Variants in FBN2 observed in about 807,000 individuals in gnomAD.
The protein encoded by FBN2 is fibrillin-2.
Under a neutral mutation model 355.6 loss-of-function variants are expected in FBN2, and 105 were observed. The observed-to-expected ratio is 0.30, with a 90% CI of 0.25 to 0.35. FBN2 has a LOEUF of 0.35. Among genes scored for constraint, FBN2 ranks in the 10% least tolerant of loss-of-function variants. The pLI is 1.00. For synonymous variants in FBN2, 1,350 were observed against 1,301.2 expected (o/e 1.04, Z -0.81); for missense variants, 3,280 against 3,758.7 (o/e 0.87, Z 3.33).
chr5:128,496,538 T>G (rs1450029631), intron 5 of FBN2, among the ~76,000 whole-genome samples: 1 of 152,200 alleles, frequency 6.6e-6, no homozygotes, highest in Non-Finnish European at 1.5e-5. Flanking sequence ...AAAAAACTCA[T>G]AGATAATATC....
chr5:128,514,297 T>C (rs948152891), intron 5 of FBN2, among the ~76,000 whole-genome samples: 1 of 152,240 alleles, frequency 6.6e-6, no homozygotes, highest in African/African-American at 2.4e-5. Context: ...TAGTAAGCTA[T>C]GTTTTTTCAT....
intron 5 of FBN2, among the ~76,000 whole-genome samples, chr5:128,502,746 T>C (rs1430430752): frequency 5.9e-5 from 9 of 152,224 alleles, no homozygotes; most frequent in Non-Finnish European, 1.0e-4. Context: ...AAGTGGTTTA[T>C]ATAATGTTGA....
Position 128,259,589 on chromosome 5 carries a change from T to C in FBN2, c.8605A>G (p.Thr2869Ala), listed in dbSNP as rs1298099024. Reference sequence around the variant, plus strand: ...AGAGGGATGCTAGTGATTTCCAGTGTGTATGTGCCGGGCATGAGCTTCTTC... The same window carrying C: ...AGAGGGATGCTAGTGATTTCCAGTGCGTATGTGCCGGGCATGAGCTTCTTC... ...AKKKLMPGTY[T>A]LEITSIPLYK... The change falls in exon 65 of 65, where the codon ACA (threonine) becomes GCA (alanine). Residue 2869 changes from threonine (T) to alanine (A), a missense_variant. Around this residue, in one of 6 missense-constraint regions of FBN2, gnomAD observed 311 missense variants for 319.1 expected, o/e 0.97. Transcript: ENST00000262464. 3 of 1,614,046 alleles carry C rather than the reference T, an allele frequency of 1.9e-6. No homozygotes were observed. The highest frequency in any genetic ancestry group is 2.2e-5 in the South Asian group (2 of 91,070).
In FBN2 at chr5:128,537,546, C is replaced by T. The variant is rs756126862; in HGVS notation, c.58G>A (p.Val20Met). Residue 20 changes from valine to methionine, a missense_variant, in exon 1 of 65, where the codon GTG becomes ATG. Physicochemically the swap from Val to Met is conservative, Grantham distance 21. Around this residue, in one of 6 missense-constraint regions of FBN2, gnomAD observed 203 missense variants for 142.2 expected, o/e 1.43. Coordinates refer to ENST00000262464, the MANE Select transcript of FBN2 (RefSeq NM_001999.4). Reference protein sequence around the residue: ...QLYFLWLGCVVLWAQGTAGQP... With the variant: ...QLYFLWLGCVMLWAQGTAGQP... ...CCGGCCGTGCCCTGCGCCCAGAGCA[C>T]CACACAGCCCAGCCACAGGAAGTAG... The T allele has an allele frequency of 5.6e-6, 9 of 1,598,574 alleles. No individual in the cohort carries two copies. In the South Asian group the frequency reaches 9.0e-5, roughly 16 times the overall value.
intron 5 of FBN2, among the ~76,000 whole-genome samples, chr5:128,518,299 T>TA (rs1424830878): frequency 6.6e-6 from 1 of 152,170 alleles, no homozygotes; most frequent in East Asian, 1.9e-4. Context: ...CAGCAGTCTA[T>TA]ATAGGTCATG....
intron 5 of FBN2, among the ~76,000 whole-genome samples, chr5:128,509,439 A>G (rs2127150129): frequency 6.6e-6 from 1 of 152,288 alleles, no homozygotes; most frequent in Non-Finnish European, 1.5e-5. Context: ...TTTGGATTCC[A>G]CATCTCTACT....
At chr5:128,509,014 A>G (rs191888878) in intron 5 of FBN2, among the ~76,000 whole-genome samples, 22 of 152,128 alleles carry the variant, frequency 1.4e-4, no homozygotes, top group African/African-American at 5.3e-4. Context: ...TTCTCTGGCT[A>G]CTTTAAGATT....
rs77681943 is a variant in FBN2 at position 128,405,616 on chromosome 5, C to T, written c.1078+3058G>A. ...AAATATGAATGCAAGTTTTGTTTGACTAGAGAAAGATTTTGAAATGTAAGT... is the reference window on the plus strand; with the variant it reads ...AAATATGAATGCAAGTTTTGTTTGATTAGAGAAAGATTTTGAAATGTAAGT... On this transcript the variant is annotated intron_variant, in intron 8 of 64. Coordinates refer to ENST00000262464, the MANE Select transcript of FBN2 (RefSeq NM_001999.4). 2.5e-3 allele frequency among the ~76,000 whole-genome samples: 373 copies of T among 152,184 alleles called. 3 individuals are homozygous for T. Among genetic ancestry groups the T allele is most frequent in the African/African-American group, 8.6e-3 (358 of 41,514 alleles).
chr5:128,296,635 G>A (rs1282642711), intron 48 of FBN2, among the ~76,000 whole-genome samples: 1 of 152,078 alleles, frequency 6.6e-6, no homozygotes, highest in Non-Finnish European at 1.5e-5. Context: ...AGAGGTGTTT[G>A]TAGTATTCTC....
intron 55 of FBN2, 146 bp downstream of exon 55, chr5:128,286,572 T>G: frequency 3.3e-6 from 3 of 919,822 alleles, no homozygotes; most frequent in South Asian, 1.4e-5. Context: ...GCAGAGACCC[T>G]GAGATGGAAG....
At chr5:128,414,407 T>C (rs1475733605) in intron 7 of FBN2, among the ~76,000 whole-genome samples, 1 of 152,214 alleles carries the variant, frequency 6.6e-6, no homozygotes. Flanking sequence ...CTGGCTTCTT[T>C]CACTTAGTTT....
rs528906046 is a variant in FBN2 at position 128,533,580 on chromosome 5, T to C, written c.337+2822A>G. On this transcript the variant is annotated intron_variant, in intron 2 of 64. Transcript: ENST00000262464. Reference sequence around the variant, plus strand: ...GTCACATGGCCAGGTAAAGAATACATAGTACCCAAAAGGTCTGAAGTTTAG... The same window carrying C: ...GTCACATGGCCAGGTAAAGAATACACAGTACCCAAAAGGTCTGAAGTTTAG... 2.6e-5 allele frequency among the ~76,000 whole-genome samples: 4 copies of C among 152,260 alleles called. No homozygotes were observed. The South Asian group carries it at 8.3e-4, about 32-fold the overall frequency.
intron 6 of FBN2, among the ~76,000 whole-genome samples, chr5:128,449,305 A>G (rs1329117255): frequency 6.8e-6 from 1 of 147,874 alleles, no homozygotes; most frequent in Non-Finnish European, 1.5e-5. Flanking sequence ...ATATAATAGT[A>G]TAATTATACA....
chr5:128,272,498 C>T (rs1264142547), intron 61 of FBN2, among the ~76,000 whole-genome samples: 2 of 128,854 alleles, frequency 1.6e-5, no homozygotes, highest in Non-Finnish European at 3.2e-5. Flanking sequence ...AATATATTTG[C>T]ATTGCATAGT....
intron 5 of FBN2, among the ~76,000 whole-genome samples, chr5:128,490,485 A>C (rs1401747752): frequency 6.6e-6 from 1 of 152,230 alleles, no homozygotes; most frequent in Non-Finnish European, 1.5e-5. Flanking sequence ...GTAAAACAAG[A>C]GTTTACACCT....
intron 5 of FBN2, among the ~76,000 whole-genome samples, chr5:128,504,252 G>C (rs776367685): frequency 6.6e-6 from 1 of 152,166 alleles, no homozygotes; most frequent in African/African-American, 2.4e-5. Context: ...AGTGTGGAAG[G>C]GAAATGTGGG....
intron 16 of FBN2, among the ~76,000 whole-genome samples, chr5:128,367,770 T>G (rs1005710483): frequency 6.6e-6 from 1 of 152,146 alleles, no homozygotes; most frequent in African/African-American, 2.4e-5. Context: ...TTAGTTCACT[T>G]AGGTTTTTGT....
intron 5 of FBN2, among the ~76,000 whole-genome samples, chr5:128,514,740 C>T (rs568896859): frequency 6.6e-6 from 1 of 152,276 alleles, no homozygotes; most frequent in South Asian, 2.1e-4. Flanking sequence ...GTCTCCAAGA[C>T]ATTAACGGTA....
chr5:128,376,530 T>C (rs891453094), intron 14 of FBN2, among the ~76,000 whole-genome samples: 2 of 152,238 alleles, frequency 1.3e-5, no homozygotes, highest in Admixed American at 1.3e-4. Context: ...ACCATTATTA[T>C]TTTTGTTAAG....
Sources: gnomAD v4.1 joint callset for allele counts (sites outside exome capture counted in the v4.1 genomes callset) on GRCh38, gnomAD v4.1.1 for gene constraint, gnomAD v4.1.1 regional missense constraint, MANE v1.5 for transcripts, NCBI Gene and HGNC (gene_info 2026-07-23, HGNC 2026-07-21) for gene names.